Variants in PADI6 observed in about 807,000 individuals in gnomAD.
PADI6 encodes inactive protein-arginine deiminase type-6.
In PADI6, 66 loss-of-function variants were observed where a neutral mutation model predicts 78.2. The observed-to-expected ratio is 0.84, with a 90% CI of 0.69 to 1.04. The LOEUF (loss-of-function observed/expected upper bound fraction) is 1.04, where lower values mean the gene tolerates loss of function less well. Among genes scored for constraint, PADI6 ranks in the 50% least tolerant of loss-of-function variants. PADI6 has a pLI of 0.00. For synonymous variants in PADI6, 397 were observed against 346.9 expected (o/e 1.14, Z -1.60); for missense variants, 854 against 866.1 (o/e 0.99, Z 0.18).
intron 9 of PADI6, among the ~76,000 whole-genome samples, chr1:17,393,273 CAA>C (rs1040643150): frequency 1.3e-5 from 2 of 152,122 alleles, no homozygotes; most frequent in South Asian, 2.1e-4. Context: ...TAAGGACAAA[CAA>C]GAGACACTCA....
At position 17,394,999 on chromosome 1, in the gene PADI6, C is replaced by T. The variant is rs778078196; in HGVS notation, c.1386C>T (p.Ala462=). The T allele has an allele frequency of 3.1e-6, 5 of 1,613,630 alleles. No individual in the cohort carries two copies. Among genetic ancestry groups the T allele is most frequent in the Non-Finnish European group, 4.2e-6 (5 of 1,179,890 alleles). The change falls in exon 12 of 16, where the codon GCC becomes GCT. Residue 462 remains alanine, a synonymous_variant. Transcript: ENST00000619609. Reference sequence around the variant, plus strand: ...AGACCCTCCGAGACTTCCTCTATGCCCAGCAGGTCCAAGCGCCGGTGGAGC... The same window carrying T: ...AGACCCTCCGAGACTTCCTCTATGCTCAGCAGGTCCAAGCGCCGGTGGAGC... ...MSKTLRDFLY[A]QQVQAPVELY... is the part of the protein sequence containing the mutation.
chr1:17,382,171 A>G lies in PADI6; in HGVS notation c.679+79A>G, dbSNP rs572609515. On this transcript the variant is annotated intron_variant, in intron 6 of 15. Transcript: ENST00000619609. ...GTTGTGCCCACACCTCCTCCCAGCA[A>G]GGTCCCCAGCAGAAGCCTGCTGGAG... 134 of 1,542,702 alleles carry G rather than the reference A, an allele frequency of 8.7e-5. 2 individuals are homozygous for G. In the South Asian group the frequency reaches 1.4e-3, roughly 16 times the overall value.
chr1:17,394,140 G>T, intron 10 of PADI6, 58 bp downstream of exon 10: 3 of 1,579,578 alleles, frequency 1.9e-6, no homozygotes, highest in Non-Finnish European at 2.6e-6. Flanking sequence ...CCTGGGGCCT[G>T]CCTAGAAATA....
intron 6 of PADI6, among the ~76,000 whole-genome samples, chr1:17,386,638 A>T (rs980891369): frequency 6.6e-6 from 1 of 152,168 alleles, no homozygotes; most frequent in African/African-American, 2.4e-5. Context: ...CTGGTGAAGC[A>T]TCTAGGTAGA....
At chr1:17,376,788 C>T (rs1220702498) in intron 3 of PADI6, among the ~76,000 whole-genome samples, 2 of 152,162 alleles carry the variant, frequency 1.3e-5, no homozygotes, top group African/African-American at 4.8e-5. Flanking sequence ...AAATTAGACA[C>T]CTACCACCAA....
intron 7 of PADI6, 106 bp downstream of exon 7, chr1:17,388,665 G>A (rs919478026): frequency 8.2e-6 from 12 of 1,457,612 alleles, no homozygotes; most frequent in Admixed American, 8.2e-5. Context: ...GAGAGCTGCA[G>A]AAGGCAAGTG....
At chr1:17,399,209 G>C (rs2075277121) in intron 15 of PADI6, among the ~76,000 whole-genome samples, 1 of 152,228 alleles carries the variant, frequency 6.6e-6, no homozygotes. Context: ...CAGCAGCGAG[G>C]CCTTGAGCAA....
chr1:17,389,880 C>T (rs995188374), intron 8 of PADI6, among the ~76,000 whole-genome samples: 2 of 152,236 alleles, frequency 1.3e-5, no homozygotes, highest in African/African-American at 4.8e-5. Flanking sequence ...CACCGGCCGC[C>T]TCCAGATTAC....
In PADI6 at chr1:17,401,573, A is replaced by T. The variant is rs2075301854; in HGVS notation, c.*135A>T. 7.2e-6 allele frequency: 6 copies of T among 837,566 alleles called. No individual in the cohort carries two copies. The South Asian group carries it at 1.1e-4, about 15-fold the overall frequency. The allele number at this position is 837,566 out of a possible 1,614,324, so 51.9% of individuals were successfully genotyped here. On this transcript the variant is annotated 3_prime_UTR_variant, in exon 16 of 16. Transcript: ENST00000619609. ...AACCCTTTCTTCCCTGTCTGCCCCG[A>T]CCGACCCTCGGACCCAGTAGGATGG...
chr1:17,380,545 A>G (rs1232278368), intron 4 of PADI6, among the ~76,000 whole-genome samples: 2 of 151,736 alleles, frequency 1.3e-5, no homozygotes, highest in African/African-American at 4.8e-5. Context: ...TTTTTTTTGT[A>G]TTTTTAGTAG....
Position 17,373,149 on chromosome 1 carries a change from C to A in PADI6, c.210C>A (p.Asp70Glu). Reference protein sequence around the residue: ...VANTVISEKEDATIWWPLSDP... With the variant: ...VANTVISEKEEATIWWPLSDP... ...ACACGGTGATTTCTGAGAAGGAGGA[C>A]GCCACCATCTGGTGGCCCCTGTCTG... is the stretch of plus-strand genomic sequence containing the variant. The change falls in exon 2 of 16, where the codon GAC (aspartate) becomes GAA (glutamate). Residue 70 changes from aspartate (D) to glutamate (E), a missense_variant. By Grantham distance (45) the Asp-to-Glu change is conservative (BLOSUM62 2). Transcript: ENST00000619609. The A allele has an allele frequency of 6.2e-7, 1 of 1,613,948 alleles. No individual in the cohort carries two copies. The highest frequency in any genetic ancestry group is 8.5e-7 in the Non-Finnish European group (1 of 1,179,858).
In PADI6 at chr1:17,388,406, G is replaced by T. The variant is rs151308208; in HGVS notation, c.705G>T (p.Leu235Phe). The T allele has an allele frequency of 4.1e-4, 654 of 1,613,184 alleles. 2 individuals are homozygous for T. In the African/African-American group the frequency reaches 7.9e-3, roughly 20 times the overall value. Reference sequence around the variant, plus strand: ...AAGACAACTCCAGTACCTTTGAGTTGGTGCTGGGGCCCGACCAGCACGCCT... The same window carrying T: ...AAGACAACTCCAGTACCTTTGAGTTTGTGCTGGGGCCCGACCAGCACGCCT... The part of the protein sequence containing the change: ...PQKDNSSTFE[L>F]VLGPDQHAYT... Residue 235 changes from leucine to phenylalanine, a missense_variant, in exon 7 of 16, where the codon TTG (leucine) becomes TTT (phenylalanine). Leu to Phe is a conservative substitution (Grantham distance 22). Transcript: ENST00000619609.
chr1:17,391,666 T>C lies in PADI6; in HGVS notation c.963-448T>C, dbSNP rs550199437. ...CCACCCAACGCCACACATATAAAAATGACAACCATGCATGGTGGCAGGCGT... is the reference window on the plus strand; with the variant it reads ...CCACCCAACGCCACACATATAAAAACGACAACCATGCATGGTGGCAGGCGT... On this transcript the variant is annotated intron_variant, in intron 8 of 15. Transcript: ENST00000619609. Among the ~76,000 whole-genome samples, 10 of 152,242 alleles carry C rather than the reference T, an allele frequency of 6.6e-5. 1 individual carries two copies. Among genetic ancestry groups the C allele is most frequent in the African/African-American group, 2.2e-4 (9 of 41,556 alleles).
rs557912054 is a variant in PADI6 at position 17,400,422 on chromosome 1, G to A, written c.1852-783G>A. ...CTCAGGAGGCTGAGGCAGGAGAATC[G>A]CTTGAACCTGGGAGGTGGAGGTTGC... is the stretch of plus-strand genomic sequence containing the variant. On this transcript the variant is annotated intron_variant, in intron 15 of 15. Coordinates refer to ENST00000619609, the MANE Select transcript of PADI6 (RefSeq NM_207421.4). 2.6e-4 allele frequency among the ~76,000 whole-genome samples: 39 copies of A among 151,962 alleles called. 1 individual carries two copies. Among genetic ancestry groups the A allele is most frequent in the African/African-American group, 7.7e-4 (32 of 41,482 alleles).
At position 17,398,666 on chromosome 1, in the gene PADI6, A is replaced by ACCCC. The variant is rs2075271372; in HGVS notation, c.1690-17_1690-16insCCCC. ...TCCTTGCTCCCCCGCCCCCCCCCCC[A>ACCCC]CCCACCCACCCACCCACAGAAGTGC... is the stretch of plus-strand genomic sequence containing the variant. On this transcript the variant is annotated intron_variant, in intron 14 of 15. Coordinates refer to ENST00000619609, the MANE Select transcript of PADI6 (RefSeq NM_207421.4). 6.1e-5 allele frequency: 6 copies of ACCCC among 98,374 alleles called. No individual in the cohort carries two copies. The highest frequency in any genetic ancestry group is 1.3e-4 in the South Asian group (2 of 15,106). The allele number at this position is 98,374 out of a possible 1,614,324, so 6.1% of individuals were successfully genotyped here.
intron 6 of PADI6, among the ~76,000 whole-genome samples, chr1:17,384,644 C>A (rs902919978): frequency 5.3e-5 from 8 of 151,768 alleles, no homozygotes; most frequent in African/African-American, 1.7e-4. Flanking sequence ...GAGACTGAGG[C>A]GGGAGGATCA....
intron 6 of PADI6, among the ~76,000 whole-genome samples, chr1:17,383,421 C>G (rs1387277236): frequency 6.6e-6 from 1 of 152,210 alleles, no homozygotes; most frequent in Non-Finnish European, 1.5e-5. Flanking sequence ...CTACTCTGGC[C>G]CTGGGAGGCT....
chr1:17,383,391 T>G (rs1241211307), intron 6 of PADI6, among the ~76,000 whole-genome samples: 1 of 152,186 alleles, frequency 6.6e-6, no homozygotes, highest in Non-Finnish European at 1.5e-5. Flanking sequence ...GGGGTCTAGG[T>G]CTGGTTCAGG....
At chr1:17,399,970 G>A (rs1218395483) in intron 15 of PADI6, among the ~76,000 whole-genome samples, 1 of 151,890 alleles carries the variant, frequency 6.6e-6, no homozygotes, top group South Asian at 2.1e-4. Flanking sequence ...AGGAGGCAGA[G>A]GTTGCAGTGA....
Sources: gnomAD v4.1 joint callset for allele counts (sites outside exome capture counted in the v4.1 genomes callset) on GRCh38, gnomAD v4.1.1 for gene constraint, MANE v1.5 for transcripts, NCBI Gene and HGNC (gene_info 2026-07-23, HGNC 2026-07-21) for gene names.